Variants in NEO1 observed in about 807,000 individuals in gnomAD.
The protein encoded by NEO1 is neogenin 1, also known as neogenin.
A neutral mutation model predicts 159.7 loss-of-function variants in NEO1; 63 were observed. That is an observed-to-expected ratio of 0.39 (90% CI 0.32 to 0.49). The LOEUF (loss-of-function observed/expected upper bound fraction) is 0.49. Among genes scored for constraint, NEO1 ranks in the 20% least tolerant of loss-of-function variants. The probability of loss-of-function intolerance (pLI) is 0.85; values close to 1 mark genes in which losing one functional copy is unlikely to be tolerated. For synonymous variants in NEO1, 633 were observed against 662.0 expected (o/e 0.96, Z 0.67); for missense variants, 1,615 against 1,831.0 (o/e 0.88, Z 2.15).
Position 73,123,448 on chromosome 15 carries a change from A to G in NEO1, c.724+648A>G, listed in dbSNP as rs182542666. On this transcript the variant is annotated intron_variant, in intron 3 of 28. Transcript: ENST00000261908. ...TGCAAATCAGAGACCCATCCAGGCT[A>G]GTTCGTATAAGGGATGGGTTGGGTG... Among the ~76,000 whole-genome samples, 135 of 152,276 alleles carry G rather than the reference A, an allele frequency of 8.9e-4. 1 individual carries two copies. Among genetic ancestry groups the G allele is most frequent in the African/African-American group, 3.2e-3 (131 of 41,552 alleles).
At chr15:73,118,109 C>A (rs1418804674) in intron 2 of NEO1, among the ~76,000 whole-genome samples, 1 of 152,124 alleles carries the variant, frequency 6.6e-6, no homozygotes, top group African/African-American at 2.4e-5. Context: ...GGGCTCCTTC[C>A]TCTCGGCTGT....
intron 1 of NEO1, among the ~76,000 whole-genome samples, chr15:73,073,829 T>C (rs1428821025): frequency 6.6e-6 from 1 of 152,150 alleles, no homozygotes; most frequent in African/African-American, 2.4e-5. Flanking sequence ...TTAACAGGAT[T>C]GTAAATTATA....
At chr15:73,243,716 T>A (rs1433737722) in intron 8 of NEO1, among the ~76,000 whole-genome samples, 1 of 152,218 alleles carries the variant, frequency 6.6e-6, no homozygotes, top group Non-Finnish European at 1.5e-5. Flanking sequence ...TTGTTTGTGA[T>A]AAAGTTTGTC....
At chr15:73,185,100 G>C (rs1366780573) in intron 7 of NEO1, among the ~76,000 whole-genome samples, 1 of 151,950 alleles carries the variant, frequency 6.6e-6, no homozygotes, top group Non-Finnish European at 1.5e-5. Flanking sequence ...TATGGAGTTA[G>C]TAAAAAAATT....
chr15:73,275,165 A>G (rs1383414769), intron 21 of NEO1, among the ~76,000 whole-genome samples: 30 of 152,192 alleles, frequency 2.0e-4, no homozygotes, highest in Non-Finnish European at 1.5e-5. Flanking sequence ...AAGTTGTATC[A>G]CATTCAGTGA....
intron 7 of NEO1, among the ~76,000 whole-genome samples, chr15:73,200,346 C>T (rs1035746392): frequency 2.6e-5 from 4 of 151,692 alleles, no homozygotes; most frequent in East Asian, 3.9e-4. Flanking sequence ...TTTGGGAGGC[C>T]GAGGTGGGCA....
At chr15:73,244,622 T>A (rs530436991) in intron 9 of NEO1, 124 bp downstream of exon 9, 7 of 1,076,932 alleles carry the variant, frequency 6.5e-6, no homozygotes, top group South Asian at 6.3e-5. Context: ...GGGGTCCTTA[T>A]CAATTAGGGG....
rs1461177054 is a variant in NEO1, at chr15:73,272,502, A to G, written c.2905A>G (p.Lys969Glu). Reference protein sequence around the residue: ...KDVTVVSKEGKPKTIIVNWQP... With the variant: ...KDVTVVSKEGEPKTIIVNWQP... ...TGTGACTGTTGTGAGTAAAGAGGGGAAACCTAAGACCATAATTGTGAATTG... is the reference window on the plus strand; with the variant it reads ...TGTGACTGTTGTGAGTAAAGAGGGGGAACCTAAGACCATAATTGTGAATTG... Residue 969 changes from lysine (K) to glutamate (E), a missense_variant, in exon 19 of 29, where the codon AAA (lysine) becomes GAA (glutamate). Transcript: ENST00000261908. The G allele has an allele frequency of 6.2e-7, 1 of 1,614,120 alleles. No homozygotes were observed. Among genetic ancestry groups the G allele is most frequent in the South Asian group, 1.1e-5 (1 of 91,084 alleles).
chr15:73,281,760 A>G (rs939978378), intron 22 of NEO1, among the ~76,000 whole-genome samples: 2 of 152,206 alleles, frequency 1.3e-5, no homozygotes, highest in Non-Finnish European at 2.9e-5. Context: ...AAGAGATTAG[A>G]TATCCATGGT....
intron 7 of NEO1, among the ~76,000 whole-genome samples, chr15:73,211,753 C>T (rs1418688038): frequency 1.5e-5 from 2 of 136,058 alleles, no homozygotes; most frequent in Non-Finnish European, 3.4e-5. Context: ...ATTTGTGCAG[C>T]AGGCTACTGG....
Position 73,126,515 on chromosome 15 carries a change from C to A in NEO1, c.823C>A (p.Leu275Ile), listed in dbSNP as rs888605772. 6.2e-7 allele frequency: 1 copy of A among 1,613,760 alleles called. No homozygotes were observed. Among genetic ancestry groups the A allele is most frequent in the Non-Finnish European group, 8.5e-7 (1 of 1,179,886 alleles). ...DVVLPCVASGLPTPTIKWMKN... is the reference protein window; with the variant it reads ...DVVLPCVASGIPTPTIKWMKN... ...AGTGTTGCCATGTGTTGCTTCAGGA[C>A]TTCCTACTCCAACCATTAAATGGAT... The change falls in exon 4 of 29, where the codon CTT becomes ATT. Residue 275 changes from leucine to isoleucine, a missense_variant. Leu to Ile is a conservative substitution (Grantham distance 5, BLOSUM62 2). Transcript: ENST00000261908.
At chr15:73,129,651 T>A (rs2030828198) in intron 4 of NEO1, among the ~76,000 whole-genome samples, 1 of 152,200 alleles carries the variant, frequency 6.6e-6, no homozygotes, top group African/African-American at 2.4e-5. Context: ...TAAATGCTAG[T>A]GTTCAAGGTG....
chr15:73,208,590 G>A (rs568560704), intron 7 of NEO1, among the ~76,000 whole-genome samples: 2 of 152,306 alleles, frequency 1.3e-5, no homozygotes, highest in South Asian at 2.1e-4. Context: ...GGCTAGGTGT[G>A]ATGACTCATG....
intron 7 of NEO1, among the ~76,000 whole-genome samples, chr15:73,181,633 G>C (rs2035618248): frequency 6.6e-6 from 1 of 151,740 alleles, no homozygotes; most frequent in Non-Finnish European, 1.5e-5. Flanking sequence ...GAGGTGGGGG[G>C]GTGCCACACA....
At chr15:73,281,439 T>C (rs1307833083) in intron 22 of NEO1, among the ~76,000 whole-genome samples, 1 of 151,886 alleles carries the variant, frequency 6.6e-6, no homozygotes, top group East Asian at 2.0e-4. Flanking sequence ...AATTTTTTAT[T>C]AGAGACGAGG....
chr15:73,230,371 G>A lies in NEO1; in HGVS notation c.1292-5976G>A, dbSNP rs191025966. Among the ~76,000 whole-genome samples, 320 of 151,816 alleles carry A rather than the reference G, an allele frequency of 2.1e-3. 1 individual carries two copies. Among genetic ancestry groups the A allele is most frequent in the African/African-American group, 7.4e-3 (305 of 41,392 alleles). Reference sequence around the variant, plus strand: ...TCCATTAAAGCTTTTTTAGTTATCTGTAGGGTTGGTAGTATTGTACTATTG... The same window carrying A: ...TCCATTAAAGCTTTTTTAGTTATCTATAGGGTTGGTAGTATTGTACTATTG... On this transcript the variant is annotated intron_variant, in intron 7 of 28. Coordinates refer to ENST00000261908, the MANE Select transcript of NEO1 (RefSeq NM_002499.4).
chr15:73,164,897 A>G lies in NEO1; in HGVS notation c.1016-11506A>G, dbSNP rs376924534. 6.6e-5 allele frequency among the ~76,000 whole-genome samples: 10 copies of G among 152,314 alleles called. No homozygotes were observed. The East Asian group carries it at 1.9e-3, about 29-fold the overall frequency. ...TTATTAAGAGAGAAATACAAGTTGCAGAAAATTAGTTATTGGTTGACTCAG... is the reference window on the plus strand; with the variant it reads ...TTATTAAGAGAGAAATACAAGTTGCGGAAAATTAGTTATTGGTTGACTCAG... On this transcript the variant is annotated intron_variant, in intron 5 of 28. Coordinates refer to ENST00000261908, the MANE Select transcript of NEO1 (RefSeq NM_002499.4).
At chr15:73,120,295 G>A (rs1403931077) in intron 2 of NEO1, among the ~76,000 whole-genome samples, 1 of 150,972 alleles carries the variant, frequency 6.6e-6, no homozygotes, top group African/African-American at 2.4e-5. Context: ...TTTCTTAAAA[G>A]TAGATTTTTG....
At chr15:73,264,463 G>C (rs956286420) in intron 15 of NEO1, among the ~76,000 whole-genome samples, 3 of 152,220 alleles carry the variant, frequency 2.0e-5, no homozygotes, top group Non-Finnish European at 1.5e-5. Flanking sequence ...GTTTGAAATA[G>C]AGAGATGAGA....
Sources: gnomAD v4.1 joint callset for allele counts (sites outside exome capture counted in the v4.1 genomes callset) on GRCh38, gnomAD v4.1.1 for gene constraint, MANE v1.5 for transcripts, NCBI Gene and HGNC (gene_info 2026-07-23, HGNC 2026-07-21) for gene names.